The following DLGAP2 variants were observed in gnomAD, a reference collection of about 807,000 sequenced individuals.
DLGAP2 encodes disks large-associated protein 2.
Under a neutral mutation model 100.3 loss-of-function variants are expected in DLGAP2, and 26 were observed. That is an observed-to-expected ratio of 0.26 (90% CI 0.19 to 0.36). DLGAP2 has a LOEUF of 0.36. DLGAP2 is among the 10% of genes least tolerant of loss of function. The pLI is 1.00. For missense variants in DLGAP2, 1,858 were observed against 1,453.2 expected (o/e 1.28, Z -4.53); for synonymous variants, 886 against 630.1 (o/e 1.41, Z -6.08).
At chr8:750,463 G>A (rs757240529) in intron 1 of DLGAP2, among the ~76,000 whole-genome samples, 1 of 152,114 alleles carries the variant, frequency 6.6e-6, no homozygotes, top group East Asian at 1.9e-4. Context: ...CCAAATATAA[G>A]GGTTTTCCTG....
intron 2 of DLGAP2, among the ~76,000 whole-genome samples, chr8:1,039,460 A>T (rs1344868116): frequency 1.1e-5 from 1 of 90,394 alleles, no homozygotes; most frequent in African/African-American, 4.4e-5. Context: ...TTGGCTCGGT[A>T]TGCATGTTCA....
chr8:1,650,470 C>T (rs183038997), intron 8 of DLGAP2, among the ~76,000 whole-genome samples: 94 of 152,344 alleles, frequency 6.2e-4, no homozygotes, highest in Non-Finnish European at 1.1e-3. Flanking sequence ...GTCTCTCACA[C>T]GCTTATTCTG....
At chr8:758,354 A>G (rs1008173838) in intron 1 of DLGAP2, among the ~76,000 whole-genome samples, 1 of 152,180 alleles carries the variant, frequency 6.6e-6, no homozygotes, top group South Asian at 2.1e-4. Context: ...TTTCCCTGTT[A>G]TTGCTTATCA....
At chr8:909,012 T>C (rs1210661996) in intron 2 of DLGAP2, among the ~76,000 whole-genome samples, 2 of 152,190 alleles carry the variant, frequency 1.3e-5, no homozygotes, top group Admixed American at 6.5e-5. Context: ...CATTCCAGAG[T>C]AAAACACCAG....
At chr8:1,048,064 C>A (rs965189916) in intron 2 of DLGAP2, among the ~76,000 whole-genome samples, 1 of 152,110 alleles carries the variant, frequency 6.6e-6, no homozygotes, top group Admixed American at 6.6e-5. Context: ...TTTGGACCAA[C>A]CTGCCTGAGT....
intron 1 of DLGAP2, among the ~76,000 whole-genome samples, chr8:841,258 T>C (rs1796978660): frequency 6.6e-6 from 1 of 152,282 alleles, no homozygotes; most frequent in African/African-American, 2.4e-5. Context: ...ACGGTTATGA[T>C]GAACTCATGC....
intron 2 of DLGAP2, among the ~76,000 whole-genome samples, chr8:1,236,931 A>C (rs1317499417): frequency 7.5e-6 from 1 of 133,396 alleles, no homozygotes; most frequent in African/African-American, 2.9e-5. Context: ...TGCCGTGTCT[A>C]GTTCTCTCAC....
At chr8:1,592,561 G>A (rs991385182) in intron 6 of DLGAP2, among the ~76,000 whole-genome samples, 1 of 152,020 alleles carries the variant, frequency 6.6e-6, no homozygotes, top group Non-Finnish European at 1.5e-5. Context: ...TCCTAGTCCA[G>A]CCGAGGGGGT....
intron 3 of DLGAP2, among the ~76,000 whole-genome samples, chr8:1,428,320 C>T (rs1334538405): frequency 6.6e-6 from 1 of 151,820 alleles, no homozygotes; most frequent in Non-Finnish European, 1.5e-5. Context: ...GACAATTTGT[C>T]TAAAAAATAA....
chr8:1,046,941 G>T (rs946046877), intron 2 of DLGAP2, among the ~76,000 whole-genome samples: 4 of 129,846 alleles, frequency 3.1e-5, no homozygotes, highest in African/African-American at 1.1e-4. Flanking sequence ...TCCTTTTTTT[G>T]TTGTTTTATT....
At chr8:1,079,182 C>T (rs1419865175) in intron 2 of DLGAP2, among the ~76,000 whole-genome samples, 1 of 152,050 alleles carries the variant, frequency 6.6e-6, no homozygotes, top group Non-Finnish European at 1.5e-5. Flanking sequence ...ATGTTTGTTG[C>T]CCTCTACATA....
intron 3 of DLGAP2, among the ~76,000 whole-genome samples, chr8:1,478,660 C>G (rs964169176): frequency 6.6e-6 from 1 of 152,132 alleles, no homozygotes; most frequent in Non-Finnish European, 1.5e-5. Context: ...TCCATTGACA[C>G]CGGAGATGCC....
At chr8:1,180,497 A>C (rs1238353668) in intron 2 of DLGAP2, among the ~76,000 whole-genome samples, 1 of 152,238 alleles carries the variant, frequency 6.6e-6, no homozygotes, top group Non-Finnish European at 1.5e-5. Context: ...CCCAGCTCTT[A>C]GTCTTCTGTG....
At chr8:1,686,815 T>C (rs550603053) in intron 12 of DLGAP2, among the ~76,000 whole-genome samples, 1 of 152,284 alleles carries the variant, frequency 6.6e-6, no homozygotes, top group Admixed American at 6.5e-5. Flanking sequence ...TATACAATAG[T>C]ACAGTAAGAA....
chr8:1,047,850 C>A (rs1431235576), intron 2 of DLGAP2, among the ~76,000 whole-genome samples: 1 of 152,168 alleles, frequency 6.6e-6, no homozygotes, highest in Non-Finnish European at 1.5e-5. Context: ...GGGACAGAAA[C>A]ATTCAATCTA....
Position 942,304 on chromosome 8 carries a change from A to T in DLGAP2, c.73+34338A>T, listed in dbSNP as rs575839367. ...TGCCGCCTGTGTAACCTGACCTCAC[A>T]TTTATTCTTCCCACTTCAGGGAGGG... On this transcript the variant is annotated intron_variant, in intron 2 of 14. Coordinates refer to ENST00000637795, the MANE Select transcript of DLGAP2 (RefSeq NM_001346810.2). Among the ~76,000 whole-genome samples the T allele has an allele frequency of 2.6e-3, 401 of 152,262 alleles. 3 individuals are homozygous for T. Among genetic ancestry groups the T allele is most frequent in the African/African-American group, 9.3e-3 (386 of 41,556 alleles).
intron 2 of DLGAP2, among the ~76,000 whole-genome samples, chr8:984,915 G>A (rs748759651): frequency 2.0e-5 from 3 of 152,272 alleles, no homozygotes; most frequent in East Asian, 1.9e-4. Context: ...TAATGGGAAC[G>A]ATAGCTAGGC....
chr8:1,498,136 A>C (rs1231377428), intron 3 of DLGAP2, among the ~76,000 whole-genome samples: 2 of 152,172 alleles, frequency 1.3e-5, no homozygotes, highest in Non-Finnish European at 2.9e-5. Context: ...GAAAGAGTTA[A>C]ATTATTGTCT....
intron 6 of DLGAP2, among the ~76,000 whole-genome samples, chr8:1,622,948 C>CGGA (rs1045317927): frequency 6.6e-6 from 1 of 152,106 alleles, no homozygotes; most frequent in Non-Finnish European, 1.5e-5. Flanking sequence ...GCGGGGCCAC[C>CGGA]GGAGGGTGCA....
Sources: gnomAD v4.1 joint callset for allele counts (sites outside exome capture counted in the v4.1 genomes callset) on GRCh38, gnomAD v4.1.1 for gene constraint, MANE v1.5 for transcripts, NCBI Gene and HGNC (gene_info 2026-07-23, HGNC 2026-07-21) for gene names.